DLG2: variants seen among roughly 807,000 people sequenced by gnomAD.
DLG2 encodes the protein disks large homolog 2.
Under a neutral mutation model 132.5 loss-of-function variants are expected in DLG2, and 45 were observed. That is an observed-to-expected ratio of 0.34 (90% CI 0.27 to 0.44). DLG2 has a LOEUF of 0.44. Ranked by LOEUF, DLG2 falls within the 20% of genes least tolerant of loss-of-function variation. DLG2 has a pLI of 1.00. For missense variants in DLG2, 1,045 were observed against 1,196.9 expected (o/e 0.87, Z 1.87); for synonymous variants, 424 against 419.6 (o/e 1.01, Z -0.13).
intron 21 of DLG2, among the ~76,000 whole-genome samples, chr11:83,503,298 G>A (rs2094524134): frequency 7.2e-6 from 1 of 138,476 alleles, no homozygotes; most frequent in Non-Finnish European, 1.6e-5. Flanking sequence ...CTGTTGTATT[G>A]GTCAGAGTTC....
At chr11:84,466,029 G>C (rs1418605165) in intron 7 of DLG2, among the ~76,000 whole-genome samples, 1 of 150,986 alleles carries the variant, frequency 6.6e-6, no homozygotes, top group African/African-American at 2.4e-5. Flanking sequence ...AAAAGACCCA[G>C]ATATATATGG....
chr11:84,175,721 G>A (rs748300496), intron 8 of DLG2, among the ~76,000 whole-genome samples: 1 of 152,082 alleles, frequency 6.6e-6, no homozygotes, highest in Non-Finnish European at 1.5e-5. Flanking sequence ...TGGGAAAAGA[G>A]CTATAGAGCC....
At chr11:85,138,503 A>T (rs1161534353) in intron 5 of DLG2, among the ~76,000 whole-genome samples, 1 of 152,166 alleles carries the variant, frequency 6.6e-6, no homozygotes, top group Non-Finnish European at 1.5e-5. Context: ...CCTCAGCAGT[A>T]TTGCTAAATG....
chr11:84,502,157 C>T (rs10466719), intron 7 of DLG2, among the ~76,000 whole-genome samples: 1 of 68,702 alleles, frequency 1.5e-5, no homozygotes, highest in Admixed American at 1.1e-4. Context: ...TTCCTTCCTT[C>T]CTTTCTCTCT....
At chr11:85,458,890 A>T (rs1231113138) in intron 3 of DLG2, among the ~76,000 whole-genome samples, 6 of 152,172 alleles carry the variant, frequency 3.9e-5, no homozygotes, top group Admixed American at 2.0e-4. Flanking sequence ...ACTCTTGGGC[A>T]GAAGGGGAAG....
At chr11:85,357,716 AT>A (rs1486905529) in intron 3 of DLG2, among the ~76,000 whole-genome samples, 2 of 1,228 alleles carry the variant, frequency 1.6e-3, no homozygotes, top group East Asian at 0.018. Context: ...ATATATATAT[AT>A]ATATATATAT....
At chr11:83,737,884 C>T (rs1231846082) in intron 18 of DLG2, among the ~76,000 whole-genome samples, 1 of 152,130 alleles carries the variant, frequency 6.6e-6, no homozygotes, top group Non-Finnish European at 1.5e-5. Flanking sequence ...TTGCAATTTT[C>T]CTGTCTTCTC....
At chr11:85,249,263 A>G (rs961002244) in intron 4 of DLG2, among the ~76,000 whole-genome samples, 4 of 152,018 alleles carry the variant, frequency 2.6e-5, no homozygotes, top group African/African-American at 9.7e-5. Flanking sequence ...TGATATTTAC[A>G]TATTAATCAA....
chr11:84,849,767 C>T (rs960000685), intron 6 of DLG2, among the ~76,000 whole-genome samples: 1 of 152,076 alleles, frequency 6.6e-6, no homozygotes, highest in Non-Finnish European at 1.5e-5. Context: ...TATTTGTGTA[C>T]TTTGGTGCTG....
intron 6 of DLG2, among the ~76,000 whole-genome samples, chr11:84,850,973 T>A (rs188922661): frequency 2.2e-4 from 34 of 152,266 alleles, no homozygotes; most frequent in African/African-American, 7.2e-4. Context: ...TTCAAACTAA[T>A]CTACAAATTT....
chr11:84,333,895 G>A (rs903287485), intron 7 of DLG2, among the ~76,000 whole-genome samples: 1 of 151,870 alleles, frequency 6.6e-6, no homozygotes, highest in Non-Finnish European at 1.5e-5. Flanking sequence ...GACACTTTTT[G>A]AAAAAATAGT....
At chr11:85,316,163 G>A (rs1456287822) in intron 3 of DLG2, among the ~76,000 whole-genome samples, 1 of 151,860 alleles carries the variant, frequency 6.6e-6, no homozygotes, top group African/African-American at 2.4e-5. Flanking sequence ...AGATTCATCT[G>A]CAAATAGATC....
chr11:85,218,663 C>G (rs926562267), intron 4 of DLG2, among the ~76,000 whole-genome samples: 4 of 152,128 alleles, frequency 2.6e-5, no homozygotes, highest in African/African-American at 4.8e-5. Flanking sequence ...CTGAAGATTT[C>G]TCAAAGAACT....
At chr11:85,130,259 A>G (rs2075570090) in intron 5 of DLG2, among the ~76,000 whole-genome samples, 1 of 152,178 alleles carries the variant, frequency 6.6e-6, no homozygotes, top group Non-Finnish European at 1.5e-5. Context: ...TTACCATTAT[A>G]CAATTATATT....
At chr11:84,628,255 C>A (rs1216702431) in intron 6 of DLG2, among the ~76,000 whole-genome samples, 2 of 152,104 alleles carry the variant, frequency 1.3e-5, no homozygotes, top group Non-Finnish European at 2.9e-5. Context: ...TCTCTATCCT[C>A]CTCCTTTAAA....
intron 19 of DLG2, among the ~76,000 whole-genome samples, chr11:83,588,332 C>T (rs1045282133): frequency 6.6e-6 from 1 of 151,500 alleles, no homozygotes; most frequent in Non-Finnish European, 1.5e-5. Flanking sequence ...GACCCCTGAC[C>T]CCCGAGCAGC....
intron 17 of DLG2, among the ~76,000 whole-genome samples, chr11:83,796,675 TA>T (rs779378716): frequency 6.6e-6 from 1 of 152,238 alleles, no homozygotes. Context: ...TATGGATGCT[TA>T]CCCTATGGTT....
At chr11:85,011,172 T>G (rs1265944986) in intron 6 of DLG2, among the ~76,000 whole-genome samples, 1 of 152,136 alleles carries the variant, frequency 6.6e-6, no homozygotes, top group Non-Finnish European at 1.5e-5. Context: ...CCACAAAAAC[T>G]ACTTCATTCT....
intron 11 of DLG2, among the ~76,000 whole-genome samples, chr11:83,986,874 G>A: frequency 6.6e-6 from 1 of 152,148 alleles, no homozygotes; most frequent in Non-Finnish European, 1.5e-5. Context: ...AGAAGTGTCT[G>A]TTCATGTCCT....
Sources: allele counts gnomAD v4.1 joint callset (sites outside exome capture counted in the v4.1 genomes callset), GRCh38; gene constraint gnomAD v4.1.1; transcripts MANE v1.5; gene names NCBI Gene and HGNC (gene_info 2026-07-23, HGNC 2026-07-21).